TET2: variants seen among roughly 807,000 people sequenced by gnomAD.
TET2 encodes tet methylcytosine dioxygenase 2, also known as methylcytosine dioxygenase TET2.
Under a neutral mutation model 142.9 loss-of-function variants are expected in TET2, and 299 were observed. The ratio of observed to expected loss-of-function variants is 2.09; its 90% CI spans 1.90 to 2.30. TET2 has a LOEUF of 2.30. Ranked by LOEUF, TET2 falls within the 30% of genes most tolerant of loss-of-function variation. The pLI, the probability that TET2 is intolerant of heterozygous loss-of-function variation, is 0.00. For missense variants in TET2, 2,418 were observed against 2,378.0 expected (o/e 1.02, Z -0.35); for synonymous variants, 819 against 849.0 (o/e 0.96, Z 0.61).
At chr4:105,219,322 G>A (rs1028149472) in intron 2 of TET2, among the ~76,000 whole-genome samples, 33 of 152,192 alleles carry the variant, frequency 2.2e-4, no homozygotes, top group Non-Finnish European at 4.3e-4. Context: ...ATGGTAACCA[G>A]TTGATTAAGA....
intron 8 of TET2, 102 bp from the exon 9 acceptor site, chr4:105,269,507 CA>C: frequency 7.9e-7 from 1 of 1,263,008 alleles, no homozygotes; most frequent in Non-Finnish European, 1.1e-6. Context: ...TATTTAAGTT[CA>C]AAACATTTTT....
intron 2 of TET2, among the ~76,000 whole-genome samples, chr4:105,229,352 C>T (rs539710716): frequency 1.3e-5 from 2 of 152,268 alleles, no homozygotes. Flanking sequence ...CGCTCTGTTG[C>T]CAGGCTGGAG....
chr4:105,174,786 A>G (rs1029785979), intron 1 of TET2, among the ~76,000 whole-genome samples: 9 of 152,222 alleles, frequency 5.9e-5, no homozygotes, highest in Admixed American at 1.3e-4. Context: ...AAAAGGAACC[A>G]TCTTGAAATA....
At chr4:105,173,676 A>T (rs1026171586) in intron 1 of TET2, among the ~76,000 whole-genome samples, 1 of 152,106 alleles carries the variant, frequency 6.6e-6, no homozygotes, top group Non-Finnish European at 1.5e-5. Flanking sequence ...TGAGGAAAAA[A>T]GGGGTTTGCT....
In TET2 at chr4:105,275,418, C is replaced by G. The variant is rs1048894866; in HGVS notation, c.4908C>G (p.Asn1636Lys). ...TQYPSYQCNG[N>K]LSVDNCSPYL... ...ATCCATCATATCAATGCAATGGAAA[C>G]CTATCAGTGGACAACTGCTCCCCAT... Residue 1636 changes from asparagine (N) to lysine (K), a missense_variant, in exon 11 of 11, where the codon AAC (asparagine) becomes AAG (lysine). Transcript: ENST00000380013. 133 of 1,551,510 alleles carry G rather than the reference C, an allele frequency of 8.6e-5. No homozygotes were observed. Among genetic ancestry groups the G allele is most frequent in the Non-Finnish European group, 1.1e-4 (121 of 1,146,976 alleles).
intron 2 of TET2, among the ~76,000 whole-genome samples, chr4:105,224,219 G>C (rs1728034068): frequency 6.6e-6 from 1 of 152,018 alleles, no homozygotes. Context: ...ACAAATTTGA[G>C]CATATCTACA....
intron 6 of TET2, 57 bp downstream of exon 6, chr4:105,243,835 C>A (rs2110256495): frequency 6.8e-7 from 1 of 1,476,266 alleles, no homozygotes; most frequent in Non-Finnish European, 9.3e-7. Flanking sequence ...AAAGCCCAAT[C>A]TTTGGTTGAA....
chr4:105,267,780 A>T (rs1407377964), intron 8 of TET2, among the ~76,000 whole-genome samples: 4 of 151,966 alleles, frequency 2.6e-5, no homozygotes, highest in Non-Finnish European at 5.9e-5. Flanking sequence ...AACCAAGAAA[A>T]CCACTTTAAA....
In TET2 at chr4:105,277,164, T is replaced by C. The variant is rs548343459; in HGVS notation, c.*645T>C. The C allele has an allele frequency of 1.5e-3, 334 of 230,248 alleles. 7 individuals are homozygous for C. Among genetic ancestry groups the C allele is most frequent in the Middle Eastern group, 2.6e-3 (2 of 756 alleles). 14.3% of individuals were successfully genotyped at this position (230,248 alleles called of 1,614,324 possible). ...AATAGCTAAAAATTTAATGCCTTTA[T>C]ATCATCAAGATGCTATCAGTGTACT... On this transcript the variant is annotated 3_prime_UTR_variant, in exon 11 of 11. Transcript: ENST00000380013.
At chr4:105,201,728 G>A (rs1726480566) in intron 2 of TET2, among the ~76,000 whole-genome samples, 1 of 138,130 alleles carries the variant, frequency 7.2e-6, no homozygotes, top group Middle Eastern at 3.6e-3. Context: ...TCTTCATCCA[G>A]GACCTTTTTT....
intron 2 of TET2, among the ~76,000 whole-genome samples, chr4:105,204,097 G>GCCT (rs1726650074): frequency 6.6e-6 from 1 of 151,962 alleles, no homozygotes; most frequent in African/African-American, 2.4e-5. Flanking sequence ...TACTCAGGAG[G>GCCT]CTGAGGCAGG....
intron 2 of TET2, among the ~76,000 whole-genome samples, 200 bp from the exon 3 acceptor site, chr4:105,233,696 TG>T (rs1560539828): frequency 6.6e-6 from 1 of 152,184 alleles, no homozygotes; most frequent in African/African-American, 2.4e-5. Context: ...ATTTTAGAGT[TG>T]CTATGAAGAC....
At chr4:105,155,212 C>A (rs1371837060) in intron 1 of TET2, among the ~76,000 whole-genome samples, 1 of 152,184 alleles carries the variant, frequency 6.6e-6, no homozygotes, top group Non-Finnish European at 1.5e-5. Flanking sequence ...TATATCTCCA[C>A]TTGTCATGTT....
rs774496399 is a variant in TET2 at position 105,235,002 on chromosome 4, T to A, written c.1060T>A (p.Ser354Thr). 1 of 1,614,088 alleles carries A rather than the reference T, an allele frequency of 6.2e-7. No homozygotes were observed. Among genetic ancestry groups the A allele is most frequent in the Non-Finnish European group, 8.5e-7 (1 of 1,180,006 alleles). ...TKLASGEEFC[S>T]GSSSNLQAPG... The stretch of plus-strand genomic sequence containing the variant: ...GCTAGCGTCTGGTGAAGAATTCTGT[T>A]CAGGTTCCAGCAGCAATTTGCAAGC... Residue 354 changes from serine (S) to threonine (T), a missense_variant, in exon 3 of 11, where the codon TCA becomes ACA. Physicochemically the swap from Ser to Thr is moderately conservative, Grantham distance 58. Coordinates refer to ENST00000380013, the MANE Select transcript of TET2 (RefSeq NM_001127208.3).
At position 105,278,509 on chromosome 4, in the gene TET2, C is replaced by G. The variant is rs1578745102; in HGVS notation, c.*1990C>G. On this transcript the variant is annotated 3_prime_UTR_variant, in exon 11 of 11. Coordinates refer to ENST00000380013, the MANE Select transcript of TET2 (RefSeq NM_001127208.3). Reference sequence around the variant, plus strand: ...ATTCAGGGATATTTCAGCTCATGCTCTCCCTATGCCAACATGTCACCTGTG... The same window carrying G: ...ATTCAGGGATATTTCAGCTCATGCTGTCCCTATGCCAACATGTCACCTGTG... 2 of 229,680 alleles carry G rather than the reference C, an allele frequency of 8.7e-6. No homozygotes were observed. The highest frequency in any genetic ancestry group is 1.7e-5 in the Non-Finnish European group (2 of 116,076). 14.2% of individuals were successfully genotyped at this position (229,680 alleles called of 1,614,324 possible).
chr4:105,223,786 T>C (rs1297017509), intron 2 of TET2, among the ~76,000 whole-genome samples: 1 of 152,058 alleles, frequency 6.6e-6, no homozygotes, highest in East Asian at 1.9e-4. Flanking sequence ...TTCCTAACAC[T>C]CTGAATTACT....
chr4:105,259,763 A>C lies in TET2; in HGVS notation c.3948A>C (p.Pro1316=). The change falls in exon 7 of 11, where the codon CCA becomes CCC. Residue 1316 remains proline (P), a synonymous_variant. Coordinates refer to ENST00000380013, the MANE Select transcript of TET2 (RefSeq NM_001127208.3). The part of the protein sequence containing the change: ...PRKFKLLGDD[P]KEEEKLESHL... ...AGTTTAAGCTGCTTGGGGATGACCC[A>C]AAAGAGGTTTGTTTACTTCCTGATG... The C allele has an allele frequency of 6.5e-7, 1 of 1,550,254 alleles. No homozygotes were observed. Among genetic ancestry groups the C allele is most frequent in the African/African-American group, 1.4e-5 (1 of 73,110 alleles).
chr4:105,243,505 A>G (rs1729414613), intron 5 of TET2, 65 bp from the exon 6 acceptor site: 2 of 1,430,456 alleles, frequency 1.4e-6, no homozygotes, highest in African/African-American at 1.4e-5. Flanking sequence ...TATCTGCTGC[A>G]AGTGACCCTT....
intron 1 of TET2, among the ~76,000 whole-genome samples, chr4:105,148,660 T>C (rs1179113594): frequency 6.6e-6 from 1 of 152,236 alleles, no homozygotes; most frequent in African/African-American, 2.4e-5. Flanking sequence ...AGGGGAGTTA[T>C]GTTCTTTTAC....
Sources: allele counts gnomAD v4.1 joint callset (sites outside exome capture counted in the v4.1 genomes callset), GRCh38; gene constraint gnomAD v4.1.1; transcripts MANE v1.5; gene names NCBI Gene and HGNC (gene_info 2026-07-23, HGNC 2026-07-21).